Variants in TSC2 observed in about 807,000 individuals in gnomAD.
The protein encoded by TSC2 is TSC complex subunit 2, also known as tuberin.
TSC2 carries 29 observed loss-of-function variants against 202.2 expected under a neutral mutation model. The ratio of observed to expected loss-of-function variants is 0.14; its 90% confidence interval spans 0.11 to 0.20. The LOEUF is 0.20. Among genes scored for constraint, TSC2 ranks in the 10% least tolerant of loss-of-function variants. The pLI, the probability that TSC2 is intolerant of heterozygous loss-of-function variation, is 1.00. For synonymous variants in TSC2, 1,349 were observed against 1,044.0 expected (o/e 1.29, Z -5.63); for missense variants, 2,429 against 2,420.0 (o/e 1.00, Z -0.08).
At chr16:2,072,563 C>T (rs1286668066) in intron 20 of TSC2, 200 bp downstream of exon 20, 8 of 869,586 alleles carry the variant, frequency 9.2e-6, no homozygotes, top group East Asian at 2.7e-5. Context: ...TTGGGACTGA[C>T]GTCAGAGGTC....
Position 2,062,524 on chromosome 16 carries a change from T to C in TSC2, c.1285T>C (p.Tyr429His). 1 of 1,612,196 alleles carries C rather than the reference T, an allele frequency of 6.2e-7. No individual in the cohort carries two copies. Among genetic ancestry groups the C allele is most frequent in the Non-Finnish European group, 8.5e-7 (1 of 1,179,156 alleles). Residue 429 changes from tyrosine to histidine, a missense_variant, in exon 13 of 42, where the codon TAT becomes CAT. Physicochemically the swap from Tyr to His is moderately conservative, Grantham distance 83. Coordinates refer to ENST00000219476, the MANE Select transcript of TSC2 (RefSeq NM_000548.5). ...PESSLLNLIS[Y>H]RAQSIHPAKD... ...GTCCTCCCTCCTGAACCTGATCTCC[T>C]ATAGAGCGCAGTCCATCCACCCGGC...
intron 36 of TSC2, among the ~76,000 whole-genome samples, chr16:2,085,804 G>C (rs1567530873): frequency 6.6e-6 from 1 of 152,142 alleles, no homozygotes; most frequent in Non-Finnish European, 1.5e-5. Context: ...CAGGGCCTGG[G>C]CTGCTTCTGA....
rs184892282 is a variant in TSC2 at position 2,087,932 on chromosome 16, T to C, written c.5059T>C (p.Cys1687Arg). 3 of 1,605,046 alleles carry C rather than the reference T, an allele frequency of 1.9e-6. No homozygotes were observed. The highest frequency in any genetic ancestry group is 1.3e-5 in the African/African-American group (1 of 74,626). Residue 1687 changes from cysteine (C) to arginine (R), a missense_variant, in exon 39 of 42, where the codon TGC becomes CGC. Cys to Arg is a radical substitution (Grantham distance 180, BLOSUM62 -3). Coordinates refer to ENST00000219476, the MANE Select transcript of TSC2 (RefSeq NM_000548.5). The stretch of plus-strand genomic sequence containing the variant: ...CGAGTGCAACCTGGTGTCCCTGCAG[T>C]GCAGGAAAGGTAGGGCCGGGTGGGG... ...DYECNLVSLQCRKDMEGLVDT... is the reference protein window; with the variant it reads ...DYECNLVSLQRRKDMEGLVDT...
At chr16:2,084,099 G>A in intron 33 of TSC2, 129 bp from the exon 34 acceptor site, 11 of 1,505,014 alleles carry the variant, frequency 7.3e-6, no homozygotes, top group Non-Finnish European at 9.9e-6. Context: ...GGGGGCCGTA[G>A]CCTGGTGCTC....
chr16:2,064,286 C>G lies in TSC2; in HGVS notation c.1458C>G (p.Asn486Lys), dbSNP rs200532154. 3.1e-6 allele frequency: 5 copies of G among 1,613,960 alleles called. No homozygotes were observed. The highest frequency in any genetic ancestry group is 3.4e-6 in the Non-Finnish European group (4 of 1,180,028). The stretch of plus-strand genomic sequence containing the variant: ...TGCCTGTGCAGGAGGAGCTGATTAA[C>G]TCAGTGGTCATCTCGCAGCTCTCCC... ...NRQFYEEELI[N>K]SVVISQLSHI... The change falls in exon 15 of 42, where the codon AAC becomes AAG. Residue 486 changes from asparagine (N) to lysine (K), a missense_variant. Transcript: ENST00000219476.
Position 2,071,818 on chromosome 16 carries a change from G to T in TSC2, c.1981G>T (p.Gly661Cys). ...PERGSEKKTS[G>C]PLSPPTGPPG... ...GAGAGGCTCTGAGAAGAAGACCAGC[G>T]GCCCCCTTTCTCCTCCCACAGGGCC... The change falls in exon 19 of 42, where the codon GGC becomes TGC. Residue 661 changes from glycine (G) to cysteine (C), a missense_variant. Gly to Cys is a radical substitution (Grantham distance 159). Coordinates refer to ENST00000219476, the MANE Select transcript of TSC2 (RefSeq NM_000548.5). The T allele has an allele frequency of 6.2e-7, 1 of 1,601,180 alleles. No homozygotes were observed. The highest frequency in any genetic ancestry group is 8.5e-7 in the Non-Finnish European group (1 of 1,174,842).
In TSC2 at chr16:2,070,566, C is replaced by T. The variant is rs2151281915; in HGVS notation, c.1827C>T (p.Ser609=). 6.2e-7 allele frequency: 1 copy of T among 1,613,164 alleles called. No homozygotes were observed. The highest frequency in any genetic ancestry group is 8.5e-7 in the Non-Finnish European group (1 of 1,180,040). The change falls in exon 17 of 42, where the codon AGC becomes AGT. Residue 609 remains serine, a synonymous_variant. Coordinates refer to ENST00000219476, the MANE Select transcript of TSC2 (RefSeq NM_000548.5). ...GCTACACCCTGCCAATCGCGAGCAG[C>T]ATCCGGCTGCAGGTATGGTGGCTGG... ...KHSYTLPIAS[S]IRLQAFDFLL... is the part of the protein sequence containing the mutation.
In TSC2 at chr16:2,054,110, G is replaced by A. The variant is rs1286756585; in HGVS notation, c.337-186G>A. 3.9e-5 allele frequency: 34 copies of A among 882,402 alleles called. No homozygotes were observed. The East Asian group carries it at 8.9e-4, about 23-fold the overall frequency. The allele number at this position is 882,402 out of a possible 1,614,324, so 54.7% of individuals were successfully genotyped here. The stretch of plus-strand genomic sequence containing the variant: ...CTCCCCATACGCCGCTCTGCGGTCG[G>A]CCGGTGCATCCGGCCCCCTGCCCTG... On this transcript the variant is annotated intron_variant, in intron 4 of 41. Transcript: ENST00000219476.
Position 2,079,315 on chromosome 16 carries a change from C to G in TSC2, c.3171C>G (p.Thr1057=), listed in dbSNP as rs1487006409. The G allele has an allele frequency of 5.6e-6, 9 of 1,612,960 alleles. No individual in the cohort carries two copies. Among genetic ancestry groups the G allele is most frequent in the Non-Finnish European group, 6.8e-6 (8 of 1,180,034 alleles). The change falls in exon 28 of 42, where the codon ACC becomes ACG. Residue 1057 remains threonine (T), a synonymous_variant. Transcript: ENST00000219476. The surrounding 1 kb of genome is among the most constrained non-coding windows in gnomAD (Gnocchi z 4.6). ...AGTTCCTCCTAGCGGGTGGCAGGAC[C>G]AAAACCTGGCTGGTTGGGAACAAGC... ...VGEFLLAGGR[T]KTWLVGNKLV...
intron 36 of TSC2, 64 bp from the exon 37 acceptor site, chr16:2,086,129 A>G (rs1596436755): frequency 6.3e-7 from 1 of 1,596,874 alleles, no homozygotes; most frequent in East Asian, 2.2e-5. Context: ...GGGCACCCCC[A>G]CCCTCTGCGG....
intron 3 of TSC2, among the ~76,000 whole-genome samples, chr16:2,052,810 C>A (rs1460300383): frequency 1.3e-5 from 2 of 152,156 alleles, no homozygotes; most frequent in African/African-American, 2.4e-5. Flanking sequence ...TTAGAGGAGG[C>A]AGATTTCAGA....
In TSC2 at chr16:2,071,824, C is replaced by T. The variant is rs747516623; in HGVS notation, c.1987C>T (p.Leu663Phe). Reference protein sequence around the residue: ...RGSEKKTSGPLSPPTGPPGPA... With the variant: ...RGSEKKTSGPFSPPTGPPGPA... ...CTCTGAGAAGAAGACCAGCGGCCCC[C>T]TTTCTCCTCCCACAGGGCCTCCTGG... Residue 663 changes from leucine (L) to phenylalanine (F), a missense_variant, in exon 19 of 42, where the codon CTT becomes TTT. By Grantham distance (22) the Leu-to-Phe change is conservative. Coordinates refer to ENST00000219476, the MANE Select transcript of TSC2 (RefSeq NM_000548.5). The T allele has an allele frequency of 5.6e-6, 9 of 1,597,580 alleles. No homozygotes were observed. The Admixed American group carries it at 1.2e-4, about 21-fold the overall frequency.
Position 2,083,091 on chromosome 16 carries a change from C to G in TSC2, c.3883+587C>G. On this transcript the variant is annotated intron_variant, in intron 32 of 41. Coordinates refer to ENST00000219476, the MANE Select transcript of TSC2 (RefSeq NM_000548.5). ...ACGGGCCCTGGGGTGGCTGACTGCGCGTGTGCAGGGCTGTGGGGCGCCCGG... is the reference window on the plus strand; with the variant it reads ...ACGGGCCCTGGGGTGGCTGACTGCGGGTGTGCAGGGCTGTGGGGCGCCCGG... 8.8e-6 allele frequency: 4 copies of G among 455,152 alleles called. No homozygotes were observed. In the East Asian group the frequency reaches 2.8e-4, roughly 32 times the overall value. 28.2% of individuals were successfully genotyped at this position (455,152 alleles called of 1,614,324 possible).
Position 2,063,766 on chromosome 16 carries a change from A to C in TSC2, c.1444-506A>C, listed in dbSNP as rs561491450. On this transcript the variant is annotated intron_variant, in intron 14 of 41. Coordinates refer to ENST00000219476, the MANE Select transcript of TSC2 (RefSeq NM_000548.5). ...TCCTCTGGGTCCTCTGGCTTCTCCC[A>C]TCAGGGCTGGTCTTGTCCTGGTCTC... The C allele has an allele frequency of 5.5e-5, 12 of 218,870 alleles. No individual in the cohort carries two copies. In the East Asian group the frequency reaches 1.2e-3, roughly 22 times the overall value. The allele number at this position is 218,870 out of a possible 1,614,324, so 13.6% of individuals were successfully genotyped here. A position where few individuals can be genotyped will look rare whatever the true frequency, so the allele number is the denominator to read the frequency against.
intron 1 of TSC2, 193 bp from the exon 2 acceptor site, chr16:2,048,394 T>TG (rs1424214016): frequency 2.4e-6 from 2 of 850,474 alleles, no homozygotes; most frequent in Non-Finnish European, 3.9e-6. Context: ...AGACCAGGCC[T>TG]GGTGTCTCCC....
chr16:2,064,111 C>T (rs898058426), intron 14 of TSC2, 161 bp from the exon 15 acceptor site: 8 of 1,198,488 alleles, frequency 6.7e-6, no homozygotes, highest in Non-Finnish European at 9.7e-6. Flanking sequence ...CCCGGGGTCT[C>T]TGAGTCGCGC....
intron 21 of TSC2, among the ~76,000 whole-genome samples, chr16:2,073,353 C>T (rs1189741596): frequency 6.6e-6 from 1 of 152,230 alleles, no homozygotes; most frequent in African/African-American, 2.4e-5. Context: ...GCTTCTGCCT[C>T]CCTCCACGCC....
rs529480840 is a variant in TSC2, at chr16:2,054,531, G to A, written c.481+91G>A. ...GACCTGGGGCTGGGGAGGGGCTGCC[G>A]TTCTCAGGGATGGCCTGCAGCGGGT... On this transcript the variant is annotated intron_variant, in intron 5 of 41. Transcript: ENST00000219476. The A allele has an allele frequency of 1.3e-5, 21 of 1,582,814 alleles. 1 individual carries two copies. Among genetic ancestry groups the A allele is most frequent in the South Asian group, 7.8e-5 (7 of 90,298 alleles).
At position 2,088,695 on chromosome 16, in the gene TSC2, A is replaced by C. The variant is rs1466246681; in HGVS notation, c.*85A>C. The C allele has an allele frequency of 2.0e-6, 3 of 1,489,930 alleles. No individual in the cohort carries two copies. Among genetic ancestry groups the C allele is most frequent in the East Asian group, 4.9e-5 (2 of 40,522 alleles). The allele number at this position is 1,489,930 out of a possible 1,614,324, so 92.3% of individuals were successfully genotyped here. ...AAAGTCCTGACCCCAGTGCACAGAC[A>C]TAGAGGCACAGATTGCAGTCAGACA... On this transcript the variant is annotated 3_prime_UTR_variant, in exon 42 of 42. Transcript: ENST00000219476.
Sources: allele counts gnomAD v4.1 joint callset (sites outside exome capture counted in the v4.1 genomes callset), GRCh38; gene constraint gnomAD v4.1.1; non-coding constraint Gnocchi (gnomAD v3.1); transcripts MANE v1.5; gene names NCBI Gene and HGNC (gene_info 2026-07-23, HGNC 2026-07-21).